SHOC2: variants seen among roughly 807,000 people sequenced by gnomAD.
SHOC2 encodes the protein SHOC2 leucine rich repeat scaffold protein.
A neutral mutation model predicts 50.2 loss-of-function variants in SHOC2; 4 were observed. The ratio of observed to expected loss-of-function variants is 0.08; its 90% CI spans 0.04 to 0.18. The LOEUF (loss-of-function observed/expected upper bound fraction) is 0.18. Ranked by LOEUF, SHOC2 falls within the 10% of genes least tolerant of loss-of-function variation. The pLI is 1.00. For missense variants in SHOC2, 388 were observed against 669.6 expected (o/e 0.58, Z 4.64); for synonymous variants, 218 against 244.5 (o/e 0.89, Z 1.01).
At chr10:110,959,303 T>C (rs192174008) in intron 1 of SHOC2, among the ~76,000 whole-genome samples, 39 of 152,328 alleles carry the variant, frequency 2.6e-4, no homozygotes, top group South Asian at 8.3e-4. Flanking sequence ...TCTTAAAGAA[T>C]AGTGCAAAAA....
intron 3 of SHOC2, among the ~76,000 whole-genome samples, chr10:110,997,247 A>G (rs945118412): frequency 3.3e-5 from 5 of 152,224 alleles, no homozygotes; most frequent in Non-Finnish European, 7.3e-5. Context: ...TGTAATGTAA[A>G]ATATTCATCC....
chr10:110,982,288 C>A (rs2134144607), intron 2 of SHOC2, among the ~76,000 whole-genome samples: 1 of 151,068 alleles, frequency 6.6e-6, no homozygotes, highest in East Asian at 2.0e-4. Flanking sequence ...CAAGTCTTTG[C>A]TATTGTGAAT....
intron 2 of SHOC2, among the ~76,000 whole-genome samples, chr10:110,980,041 G>A (rs186271752): frequency 1.6e-3 from 251 of 152,204 alleles, no homozygotes; most frequent in African/African-American, 5.9e-3. Flanking sequence ...AGACATCCAA[G>A]TGTGTGAGTT....
chr10:110,928,186 G>A (rs560892752), intron 1 of SHOC2, among the ~76,000 whole-genome samples: 4 of 152,012 alleles, frequency 2.6e-5, no homozygotes, highest in East Asian at 1.9e-4. Context: ...GTGCAGTGAC[G>A]CATGCCTGTA....
At chr10:110,948,714 G>T (rs1014424529) in intron 1 of SHOC2, among the ~76,000 whole-genome samples, 1 of 152,120 alleles carries the variant, frequency 6.6e-6, no homozygotes, top group South Asian at 2.1e-4. Flanking sequence ...CAAAACTTAC[G>T]TGAAGCAGCA....
At chr10:110,946,172 G>A (rs760719692) in intron 1 of SHOC2, among the ~76,000 whole-genome samples, 3 of 151,948 alleles carry the variant, frequency 2.0e-5, no homozygotes, top group Admixed American at 6.5e-5. Context: ...TATTGTAGTG[G>A]TAACTTCTGA....
intron 4 of SHOC2, among the ~76,000 whole-genome samples, chr10:111,001,022 A>G (rs950024985): frequency 3.3e-5 from 5 of 151,830 alleles, no homozygotes; most frequent in African/African-American, 1.2e-4. Context: ...TTATGCAATA[A>G]TATTAAGGCC....
chr10:110,921,033 G>GTTTTAA (rs1267288329), intron 1 of SHOC2, among the ~76,000 whole-genome samples: 4 of 152,200 alleles, frequency 2.6e-5, no homozygotes, highest in African/African-American at 9.6e-5. Flanking sequence ...CTGAAAAATA[G>GTTTTAA]TTTTAATTTT....
chr10:110,944,201 G>A (rs4456186), intron 1 of SHOC2, among the ~76,000 whole-genome samples: 5 of 152,020 alleles, frequency 3.3e-5, no homozygotes, highest in African/African-American at 1.2e-4. Context: ...CCATTCTTAG[G>A]ATATTCTGTT....
At chr10:110,982,540 T>C (rs1848001873) in intron 2 of SHOC2, among the ~76,000 whole-genome samples, 1 of 152,072 alleles carries the variant, frequency 6.6e-6, no homozygotes, top group Non-Finnish European at 1.5e-5. Context: ...TTTTTAATGA[T>C]TGCCATTCTA....
chr10:110,937,757 T>G (rs1847057502), intron 1 of SHOC2, among the ~76,000 whole-genome samples: 1 of 152,212 alleles, frequency 6.6e-6, no homozygotes, highest in South Asian at 2.1e-4. Flanking sequence ...ATTTGTTTTA[T>G]TAAACAAAAT....
intron 1 of SHOC2, among the ~76,000 whole-genome samples, chr10:110,956,860 A>T (rs1847473702): frequency 6.6e-6 from 1 of 151,942 alleles, no homozygotes; most frequent in Non-Finnish European, 1.5e-5. Flanking sequence ...TCCTTTTAAT[A>T]TATTGCCAGT....
intron 3 of SHOC2, among the ~76,000 whole-genome samples, chr10:110,998,467 G>A (rs1848309517): frequency 6.6e-6 from 1 of 151,988 alleles, no homozygotes; most frequent in Admixed American, 6.6e-5. Context: ...AGCATCCTTA[G>A]TTAATTTACA....
chr10:110,977,910 C>G (rs139365504), intron 2 of SHOC2, among the ~76,000 whole-genome samples: 2 of 152,188 alleles, frequency 1.3e-5, no homozygotes, highest in African/African-American at 2.4e-5. Flanking sequence ...CTTTGGTAGT[C>G]TGTTTGTACC....
chr10:110,956,359 C>T (rs554796407), intron 1 of SHOC2, among the ~76,000 whole-genome samples: 4 of 152,186 alleles, frequency 2.6e-5, no homozygotes, highest in African/African-American at 7.2e-5. Context: ...ATTACAGGTG[C>T]GCGCCAGCAC....
chr10:110,940,910 G>GATTTTTTTTTTTT, intron 1 of SHOC2, among the ~76,000 whole-genome samples: 1 of 119,504 alleles, frequency 8.4e-6, no homozygotes, highest in Non-Finnish European at 1.7e-5. Context: ...TTTGTGGTGG[G>GATTTTTTTTTTTT]TTTTTTTTTT....
chr10:110,938,822 C>G (rs917400960), intron 1 of SHOC2, among the ~76,000 whole-genome samples: 1 of 152,148 alleles, frequency 6.6e-6, no homozygotes, highest in African/African-American at 2.4e-5. Context: ...TAACGGTATT[C>G]CAGTACATGT....
intron 1 of SHOC2, among the ~76,000 whole-genome samples, chr10:110,955,016 T>C (rs1384162644): frequency 6.6e-6 from 1 of 152,218 alleles, no homozygotes; most frequent in Non-Finnish European, 1.5e-5. Context: ...AACTCTAAGA[T>C]GTCTTTTCTT....
rs1847640621 is a variant in SHOC2 at position 110,964,733 on chromosome 10, A to G, written c.375A>G (p.Leu125=). ...CATCAATCAAAGAGTTGACTCAATT[A>G]ACAGAACTTTATTTATACAGTAACA... ...LPSSIKELTQ[L]TELYLYSNKL... The change falls in exon 2 of 9, where the codon TTA becomes TTG. Residue 125 remains leucine, a synonymous_variant. Coordinates refer to ENST00000369452, the MANE Select transcript of SHOC2 (RefSeq NM_007373.4). The surrounding 1 kb of genome is among the most constrained non-coding windows in gnomAD (Gnocchi z 4.9). The G allele has an allele frequency of 1.2e-6, 2 of 1,614,132 alleles. No individual in the cohort carries two copies. The highest frequency in any genetic ancestry group is 4.5e-5 in the East Asian group (2 of 44,884).
Sources: allele counts gnomAD v4.1 joint callset (sites outside exome capture counted in the v4.1 genomes callset), GRCh38; gene constraint gnomAD v4.1.1; non-coding constraint Gnocchi (gnomAD v3.1); transcripts MANE v1.5; gene names NCBI Gene and HGNC (gene_info 2026-07-23, HGNC 2026-07-21).